The following PTPRD variants were observed in gnomAD, a reference collection of about 807,000 sequenced individuals.
PTPRD encodes protein tyrosine phosphatase receptor type D.
In PTPRD, 34 loss-of-function variants were observed where a neutral mutation model predicts 214.5. That is an observed-to-expected ratio of 0.16 (90% CI 0.12 to 0.21). PTPRD has a LOEUF of 0.21. Ranked by LOEUF, PTPRD falls within the 10% of genes least tolerant of loss-of-function variation. The probability of loss-of-function intolerance (pLI) is 1.00; values close to 1 mark genes in which losing one functional copy is unlikely to be tolerated. For synonymous variants in PTPRD, 1,128 were observed against 845.7 expected, an observed-to-expected ratio of 1.33 and a Z score of -5.79; for missense variants, 2,545 against 2,398.7, an observed-to-expected ratio of 1.06 and a Z score of -1.27.
chr9:9,716,145 T>C (rs1392060837), intron 7 of PTPRD, among the ~76,000 whole-genome samples: 1 of 152,206 alleles, frequency 6.6e-6, no homozygotes, highest in African/African-American at 2.4e-5. Flanking sequence ...AGAATGATTA[T>C]TTCCAATTTC....
chr9:9,901,555 A>T (rs1346047578), intron 5 of PTPRD, among the ~76,000 whole-genome samples: 1 of 152,006 alleles, frequency 6.6e-6, no homozygotes, highest in Non-Finnish European at 1.5e-5. Context: ...AAAGTTTAAA[A>T]TATGTCAGAA....
At chr9:8,687,320 TC>T (rs2097701208) in intron 12 of PTPRD, among the ~76,000 whole-genome samples, 1 of 152,216 alleles carries the variant, frequency 6.6e-6, no homozygotes, top group African/African-American at 2.4e-5. Context: ...CTCTCAAAAC[TC>T]TGCCAGAAAT....
chr9:9,479,871 G>A (rs1409856607), intron 8 of PTPRD, among the ~76,000 whole-genome samples: 1 of 152,136 alleles, frequency 6.6e-6, no homozygotes, highest in African/African-American at 2.4e-5. Context: ...GAAGATGGCT[G>A]CAGGCTTATA....
intron 5 of PTPRD, among the ~76,000 whole-genome samples, chr9:9,796,946 T>A (rs765940967): frequency 6.6e-6 from 1 of 152,182 alleles, no homozygotes; most frequent in African/African-American, 2.4e-5. Flanking sequence ...ATCATCTGAA[T>A]AGTAATATTT....
intron 3 of PTPRD, among the ~76,000 whole-genome samples, chr9:10,194,573 C>T (rs1593778865): frequency 6.6e-6 from 1 of 152,000 alleles, no homozygotes; most frequent in African/African-American, 2.4e-5. Context: ...TCTGTTAACA[C>T]ATGAACCTAC....
At chr9:10,556,158 A>G (rs1442090523) in intron 2 of PTPRD, among the ~76,000 whole-genome samples, 1 of 152,146 alleles carries the variant, frequency 6.6e-6, no homozygotes, top group Admixed American at 6.6e-5. Context: ...ACTCAATAGT[A>G]TTTTTGTAGT....
intron 5 of PTPRD, among the ~76,000 whole-genome samples, chr9:9,919,565 T>G (rs535405897): frequency 2.6e-5 from 4 of 152,296 alleles, no homozygotes; most frequent in South Asian, 4.1e-4. Context: ...CAATGATTCA[T>G]GTAACTCCCC....
At chr9:9,695,550 G>A (rs914427896) in intron 7 of PTPRD, among the ~76,000 whole-genome samples, 3 of 152,068 alleles carry the variant, frequency 2.0e-5, no homozygotes, top group Non-Finnish European at 2.9e-5. Context: ...ATCATATATG[G>A]CATTTATTAT....
At chr9:10,015,219 G>T (rs530425737) in intron 4 of PTPRD, among the ~76,000 whole-genome samples, 1 of 152,038 alleles carries the variant, frequency 6.6e-6, no homozygotes, top group Non-Finnish European at 1.5e-5. Flanking sequence ...AGAGTTACCA[G>T]CTTTTTCATT....
chr9:8,689,130 G>C (rs2097754324), intron 12 of PTPRD, among the ~76,000 whole-genome samples: 1 of 152,174 alleles, frequency 6.6e-6, no homozygotes, highest in South Asian at 2.1e-4. Flanking sequence ...AAGTGACTCT[G>C]AGAATCATCC....
chr9:8,585,202 C>T (rs1194353508), intron 14 of PTPRD, among the ~76,000 whole-genome samples: 1 of 152,050 alleles, frequency 6.6e-6, no homozygotes, highest in South Asian at 2.1e-4. Context: ...TTAGTCAACT[C>T]TACTAAATTT....
At chr9:8,336,600 C>G (rs1358238915) in intron 43 of PTPRD, among the ~76,000 whole-genome samples, 1 of 132,176 alleles carries the variant, frequency 7.6e-6, no homozygotes, top group Non-Finnish European at 1.6e-5. Flanking sequence ...CAAATGGGAT[C>G]TAATTAAACT....
At chr9:9,176,111 A>G (rs572107022) in intron 10 of PTPRD, among the ~76,000 whole-genome samples, 8 of 152,166 alleles carry the variant, frequency 5.3e-5, no homozygotes, top group African/African-American at 1.4e-4. Flanking sequence ...TCCACAGCCT[A>G]TAAGTAGAAA....
intron 9 of PTPRD, among the ~76,000 whole-genome samples, chr9:9,228,676 T>G (rs1413981842): frequency 6.6e-6 from 1 of 152,148 alleles, no homozygotes; most frequent in African/African-American, 2.4e-5. Flanking sequence ...GTAAAATGAA[T>G]GAAATCTTAC....
At chr9:9,093,178 C>A (rs1000874303) in intron 10 of PTPRD, among the ~76,000 whole-genome samples, 2 of 151,966 alleles carry the variant, frequency 1.3e-5, no homozygotes, top group Non-Finnish European at 2.9e-5. Context: ...CTTCCAAATA[C>A]TAGAAACACA....
At chr9:10,099,044 T>C (rs1179706911) in intron 3 of PTPRD, among the ~76,000 whole-genome samples, 2 of 151,806 alleles carry the variant, frequency 1.3e-5, no homozygotes, top group Non-Finnish European at 2.9e-5. Flanking sequence ...TGCGCTCAGT[T>C]ACAGAAATAT....
chr9:8,502,734 C>T (rs4495488), intron 23 of PTPRD, among the ~76,000 whole-genome samples: 14,330 of 151,718 alleles, frequency 0.094, 758 homozygotes, highest in East Asian at 0.16. Context: ...CTTCAGACCT[C>T]CTATTTTGTG....
At chr9:8,919,731 G>T (rs148232956) in intron 11 of PTPRD, among the ~76,000 whole-genome samples, 6 of 151,250 alleles carry the variant, frequency 4.0e-5, no homozygotes, top group African/African-American at 1.5e-4. Context: ...ACGCATGCAT[G>T]CACACACATA....
intron 11 of PTPRD, among the ~76,000 whole-genome samples, chr9:8,863,830 T>G (rs528924530): frequency 6.6e-6 from 1 of 152,334 alleles, no homozygotes; most frequent in South Asian, 2.1e-4. Flanking sequence ...TGGGTTTTGA[T>G]ACATTTTTTA....
Sources: gnomAD v4.1 joint callset for allele counts (sites outside exome capture counted in the v4.1 genomes callset) on GRCh38, gnomAD v4.1.1 for gene constraint, MANE v1.5 for transcripts, NCBI Gene and HGNC (gene_info 2026-07-23, HGNC 2026-07-21) for gene names.